Variants in CTPS2 observed in about 807,000 individuals in gnomAD.
CTPS2 encodes CTP synthase 2, also known as CTP synthase II.
Under a neutral mutation model 46.8 loss-of-function variants are expected in CTPS2, and 19 were observed. That is an observed-to-expected ratio of 0.41 (90% CI 0.28 to 0.60). The LOEUF is 0.60. Ranked by LOEUF, CTPS2 falls within the 20% of genes least tolerant of loss-of-function variation. CTPS2 has a pLI of 0.35. For synonymous variants in CTPS2, 151 were observed against 165.2 expected (o/e 0.91, Z 0.66); for missense variants, 286 against 447.6 (o/e 0.64, Z 3.26).
chrX:16,668,350 G>A (rs1257940726), intron 11 of CTPS2, among the ~76,000 whole-genome samples: 3 of 104,901 alleles, frequency 2.9e-5, no homozygotes, highest in Non-Finnish European at 5.9e-5. Flanking sequence ...TGAGTTGGGC[G>A]GATCACGAGG....
rs770141098 is a variant in CTPS2, at chrX:16,698,910, T to C, written c.337+13A>G. The stretch of plus-strand genomic sequence containing the variant: ...AGCACACAGGGCTCCATAATGTCTG[T>C]GGAATATAATACCTTGCACTGTTTT... On this transcript the variant is annotated intron_variant, in intron 3 of 18. Transcript: ENST00000359276. 1 of 1,184,524 alleles carries C rather than the reference T, an allele frequency of 8.4e-7. No individual in the cohort carries two copies. Among genetic ancestry groups the C allele is most frequent in the Admixed American group, 2.4e-5 (1 of 42,023 alleles).
At chrX:16,650,669 C>T (rs953711857) in intron 13 of CTPS2, among the ~76,000 whole-genome samples, 2 of 109,026 alleles carry the variant, frequency 1.8e-5, no homozygotes, top group African/African-American at 6.7e-5. Context: ...CGCACCACCA[C>T]GCCTGGCTAA....
chrX:16,670,711 C>G (rs372521451), intron 10 of CTPS2, 37 bp from the exon 11 acceptor site: 1 of 1,033,412 alleles, frequency 9.7e-7, no homozygotes, highest in African/African-American at 2.0e-5. Flanking sequence ...ACTTGACTAT[C>G]CATTTTTTTT....
At chrX:16,636,354 C>T (rs1244758415) in intron 14 of CTPS2, among the ~76,000 whole-genome samples, 4 of 111,711 alleles carry the variant, frequency 3.6e-5, no homozygotes, top group African/African-American at 1.3e-4. Context: ...GAGATCATGC[C>T]ACTGCACTCC....
intron 13 of CTPS2, among the ~76,000 whole-genome samples, chrX:16,655,641 C>T (rs1932799070): frequency 8.9e-6 from 1 of 111,817 alleles, no homozygotes; most frequent in Admixed American, 9.5e-5. Context: ...CCCTAATAGC[C>T]TGGTCACAGC....
chrX:16,699,217 C>A, intron 2 of CTPS2, 124 bp from the exon 3 acceptor site: 1 of 434,417 alleles, frequency 2.3e-6, no homozygotes, highest in Non-Finnish European at 3.8e-6. Context: ...ATCACCATCT[C>A]CTTTTTGGTG....
chrX:16,702,885 G>A lies in CTPS2; in HGVS notation c.18C>T (p.Val6=). ...CAATGCCTGAGATGACCCCACCCGT[G>A]ACCAGGATGTACTTCATTGGCAGAA... MKYIL[V]TGGVISGIGK... Residue 6 remains valine, a synonymous_variant, in exon 2 of 19, where the codon GTC becomes GTT. Coordinates refer to ENST00000359276, the MANE Select transcript of CTPS2 (RefSeq NM_175859.3). 1.7e-6 allele frequency: 2 copies of A among 1,208,299 alleles called. No homozygotes were observed. The highest frequency in any genetic ancestry group is 2.2e-6 in the Non-Finnish European group (2 of 893,394).
chrX:16,669,352 G>T lies in CTPS2; in HGVS notation c.1189+1228C>A, dbSNP rs753635127. Among the ~76,000 whole-genome samples, 4 of 106,315 alleles carry T rather than the reference G, an allele frequency of 3.8e-5. No individual in the cohort carries two copies. The South Asian group carries it at 1.7e-3, about 46-fold the overall frequency. The allele number at this position is 106,315 out of a possible 115,157, so 92.3% of individuals were successfully genotyped here. On this transcript the variant is annotated intron_variant, in intron 11 of 18. Coordinates refer to ENST00000359276, the MANE Select transcript of CTPS2 (RefSeq NM_175859.3). The stretch of plus-strand genomic sequence containing the variant: ...TTAAGATGTACACAGGGGAAACAAA[G>T]AAGGGAGCAATCAATATATCAGGGA...
In CTPS2 at chrX:16,693,353, C is replaced by T; in HGVS notation, c.555+18G>A. 8.9e-7 allele frequency: 1 copy of T among 1,129,779 alleles called. No homozygotes were observed. The highest frequency in any genetic ancestry group is 1.2e-6 in the Non-Finnish European group (1 of 821,086). 93.1% of individuals were successfully genotyped at this position (1,129,779 alleles called of 1,213,427 possible). A position where few individuals can be genotyped will look rare whatever the true frequency, so the allele number is the denominator to read the frequency against. On this transcript the variant is annotated intron_variant, in intron 5 of 18. Coordinates refer to ENST00000359276, the MANE Select transcript of CTPS2 (RefSeq NM_175859.3). ...ACTTATCAAAGTTGCTGTCCACATA[C>T]TTATCTGGAAAGCCCACCTGTGGGA...
intron 8 of CTPS2, among the ~76,000 whole-genome samples, chrX:16,684,343 T>C (rs1271214398): frequency 9.2e-6 from 1 of 108,859 alleles, no homozygotes; most frequent in African/African-American, 3.3e-5. Context: ...ACCTCGTCTC[T>C]ACTAAAAATA....
At chrX:16,686,771 G>C (rs1158129073) in intron 8 of CTPS2, among the ~76,000 whole-genome samples, 1 of 111,616 alleles carries the variant, frequency 9.0e-6, no homozygotes, top group Non-Finnish European at 1.9e-5. Flanking sequence ...AAGCATGGTG[G>C]CATGCACCTG....
At chrX:16,690,759 G>A (rs1035336934) in intron 7 of CTPS2, among the ~76,000 whole-genome samples, 1 of 112,038 alleles carries the variant, frequency 8.9e-6, no homozygotes, top group Non-Finnish European at 1.9e-5. Context: ...AGAATACCAA[G>A]GTGGAAAGCC....
Position 16,593,297 on chromosome X carries a change from C to T in CTPS2, c.1692-2435G>A, listed in dbSNP as rs772852663. Among the ~76,000 whole-genome samples the T allele has an allele frequency of 1.3e-4, 14 of 109,115 alleles. No homozygotes were observed. The South Asian group carries it at 2.8e-3, about 22-fold the overall frequency. 94.8% of individuals were successfully genotyped at this position (109,115 alleles called of 115,157 possible). A position where few individuals can be genotyped will look rare whatever the true frequency, so the allele number is the denominator to read the frequency against. On this transcript the variant is annotated intron_variant, in intron 17 of 18. Coordinates refer to ENST00000359276, the MANE Select transcript of CTPS2 (RefSeq NM_175859.3). ...ACAAAAAATTAGCCGGGTGTGGTGG[C>T]GGGCGCCTGTAGTCCCAGCTACTCG...
chrX:16,667,125 ACCC>A lies in CTPS2; in HGVS notation c.1296+386_1296+388del, dbSNP rs1264934602. 5.6e-4 allele frequency among the ~76,000 whole-genome samples: 40 copies of A among 71,833 alleles called. 1 individual carries two copies. In the South Asian group the frequency reaches 0.028, roughly 50 times the overall value. 62.4% of individuals were successfully genotyped at this position (71,833 alleles called of 115,157 possible). A position where few individuals can be genotyped will look rare whatever the true frequency, so the allele number is the denominator to read the frequency against. On this transcript the variant is annotated intron_variant, in intron 13 of 18. Coordinates refer to ENST00000359276, the MANE Select transcript of CTPS2 (RefSeq NM_175859.3). The stretch of plus-strand genomic sequence containing the variant: ...TGCTGTAAAGAAAAAATAATAATAG[ACCC>A]CCCCCCGCCTTTTTTTTTTTTTGAG...
chrX:16,598,883 G>A (rs868430554), intron 17 of CTPS2, among the ~76,000 whole-genome samples: 49 of 111,738 alleles, frequency 4.4e-4, no homozygotes, highest in Middle Eastern at 4.6e-3. Flanking sequence ...CTTCATCCCT[G>A]GGATGCAAGG....
In CTPS2 at chrX:16,689,611, G is replaced by A. The variant is rs777121563; in HGVS notation, c.721-10C>T. ...CATGGATACATATGACCTAAGTGGCGATGAGAAATCACCATACTTAGATGG... is the reference window on the plus strand; with the variant it reads ...CATGGATACATATGACCTAAGTGGCAATGAGAAATCACCATACTTAGATGG... On this transcript the variant is annotated splice_polypyrimidine_tract_variant and intron_variant, in intron 7 of 18. Transcript: ENST00000359276. 4 of 1,192,657 alleles carry A rather than the reference G, an allele frequency of 3.4e-6. No homozygotes were observed. The highest frequency in any genetic ancestry group is 6.0e-5 in the East Asian group (2 of 33,495).
intron 8 of CTPS2, among the ~76,000 whole-genome samples, chrX:16,683,698 A>G (rs1308912909): frequency 8.9e-6 from 1 of 112,522 alleles, no homozygotes; most frequent in African/African-American, 3.2e-5. Context: ...AAAAGTAAAA[A>G]TTGAAAAGCT....
intron 13 of CTPS2, among the ~76,000 whole-genome samples, chrX:16,656,400 A>G (rs1366405462): frequency 9.3e-6 from 1 of 107,576 alleles, no homozygotes; most frequent in Non-Finnish European, 1.9e-5. Flanking sequence ...ATATGGGATC[A>G]TTTCCACTTT....
chrX:16,599,467 CT>C (rs1009319649), intron 17 of CTPS2, among the ~76,000 whole-genome samples: 2 of 94,553 alleles, frequency 2.1e-5, no homozygotes, highest in South Asian at 4.5e-4. Context: ...TTTTCTTTTT[CT>C]TTTTTTTCTT....
Sources: allele counts gnomAD v4.1 joint callset (sites outside exome capture counted in the v4.1 genomes callset), GRCh38; gene constraint gnomAD v4.1.1; transcripts MANE v1.5; gene names NCBI Gene and HGNC (gene_info 2026-07-23, HGNC 2026-07-21).